Variants in NPAS2 observed in about 807,000 individuals in gnomAD.
NPAS2 encodes the protein neuronal PAS domain protein 2.
A neutral mutation model predicts 107.5 loss-of-function variants in NPAS2; 23 were observed. The observed-to-expected ratio is 0.21, with a 90% CI of 0.15 to 0.30. The LOEUF (loss-of-function observed/expected upper bound fraction) is 0.30, where lower values mean the gene tolerates loss of function less well. Ranked by LOEUF, NPAS2 falls within the 10% of genes least tolerant of loss-of-function variation. The pLI is 1.00. For missense variants in NPAS2, 756 were observed against 1,043.3 expected (o/e 0.72, Z 3.79); for synonymous variants, 403 against 417.5 (o/e 0.97, Z 0.42).
chr2:100,879,493 C>T (rs1248184915), intron 1 of NPAS2, among the ~76,000 whole-genome samples: 2 of 152,204 alleles, frequency 1.3e-5, no homozygotes, highest in African/African-American at 2.4e-5. Flanking sequence ...CTCCTTTTCT[C>T]TCTCCCTTCC....
At chr2:100,923,650 A>G (rs908823055) in intron 2 of NPAS2, among the ~76,000 whole-genome samples, 1 of 152,118 alleles carries the variant, frequency 6.6e-6, no homozygotes, top group African/African-American at 2.4e-5. Flanking sequence ...CCCGGGCCCA[A>G]GGTGCCTGGA....
At chr2:100,949,958 A>T (rs1020635197) in intron 7 of NPAS2, among the ~76,000 whole-genome samples, 1 of 152,218 alleles carries the variant, frequency 6.6e-6, no homozygotes, top group Non-Finnish European at 1.5e-5. Context: ...TTTTACAATG[A>T]GCCAGGAATC....
At chr2:100,842,083 A>G (rs12712082) in intron 1 of NPAS2, among the ~76,000 whole-genome samples, 6,110 of 41,432 alleles carry the variant, frequency 0.15, 216 homozygotes, top group African/African-American at 0.32. Context: ...ATGTACGCGC[A>G]CACACACACA....
intron 1 of NPAS2, among the ~76,000 whole-genome samples, chr2:100,829,453 G>A (rs1215649668): frequency 6.6e-6 from 1 of 152,144 alleles, no homozygotes. Context: ...CAGTTTGGAC[G>A]TTATTGGTGT....
intron 19 of NPAS2, among the ~76,000 whole-genome samples, chr2:100,992,564 C>T (rs1471906042): frequency 1.3e-5 from 2 of 152,204 alleles, no homozygotes; most frequent in South Asian, 2.1e-4. Flanking sequence ...CCCTCGTTCT[C>T]GATCTCCTCC....
chr2:100,879,262 T>C (rs772406155), intron 1 of NPAS2, among the ~76,000 whole-genome samples: 5 of 152,220 alleles, frequency 3.3e-5, no homozygotes, highest in Non-Finnish European at 5.9e-5. Context: ...TTACAACGTA[T>C]TACGGGATAT....
intron 1 of NPAS2, among the ~76,000 whole-genome samples, chr2:100,862,078 A>G (rs1678976309): frequency 6.6e-6 from 1 of 152,250 alleles, no homozygotes; most frequent in Non-Finnish European, 1.5e-5. Context: ...GTAATTAAAA[A>G]TAGATTGTGG....
At chr2:100,853,351 G>A (rs564666562) in intron 1 of NPAS2, among the ~76,000 whole-genome samples, 2 of 152,320 alleles carry the variant, frequency 1.3e-5, no homozygotes, top group East Asian at 3.9e-4. Flanking sequence ...TCAGTAAATT[G>A]TGCTCTACGA....
intron 1 of NPAS2, among the ~76,000 whole-genome samples, chr2:100,833,195 C>T (rs984214172): frequency 2.6e-5 from 4 of 152,178 alleles, no homozygotes; most frequent in African/African-American, 7.2e-5. Flanking sequence ...TGGCCCATAG[C>T]AGAAAGCTTT....
intron 1 of NPAS2, among the ~76,000 whole-genome samples, chr2:100,824,450 T>TAA (rs1388277380): frequency 1.3e-5 from 2 of 152,204 alleles, no homozygotes; most frequent in Non-Finnish European, 2.9e-5. Flanking sequence ...AAGCGCTCTT[T>TAA]AAAAATGTAG....
intron 5 of NPAS2, among the ~76,000 whole-genome samples, chr2:100,945,978 ACAAGG>A (rs1308191510): frequency 6.6e-6 from 1 of 152,158 alleles, no homozygotes; most frequent in East Asian, 1.9e-4. Context: ...GTGGTGGTGA[ACAAGG>A]CACTGGGCCC....
chr2:100,838,550 T>G (rs1436986684), intron 1 of NPAS2, among the ~76,000 whole-genome samples: 2 of 152,174 alleles, frequency 1.3e-5, no homozygotes, highest in East Asian at 3.9e-4. Flanking sequence ...AGTACTGGGA[T>G]TACAGATGTG....
chr2:100,923,089 A>AT (rs1039917847), intron 2 of NPAS2, among the ~76,000 whole-genome samples: 8 of 152,154 alleles, frequency 5.3e-5, no homozygotes, highest in Admixed American at 5.2e-4. Flanking sequence ...CTTCTCTCCC[A>AT]TGTGTTTGAA....
intron 11 of NPAS2, among the ~76,000 whole-genome samples, chr2:100,969,249 T>A (rs1332223720): frequency 2.0e-5 from 3 of 152,020 alleles, no homozygotes; most frequent in Non-Finnish European, 4.4e-5. Flanking sequence ...CATAGGTATA[T>A]ATGTGCCATG....
intron 2 of NPAS2, among the ~76,000 whole-genome samples, chr2:100,911,869 T>C (rs1316919160): frequency 6.6e-6 from 1 of 152,210 alleles, no homozygotes; most frequent in South Asian, 2.1e-4. Context: ...TGGCCTCAAG[T>C]GATCCACCAG....
intron 1 of NPAS2, among the ~76,000 whole-genome samples, chr2:100,849,674 T>C (rs1678022987): frequency 6.6e-6 from 1 of 152,228 alleles, no homozygotes; most frequent in African/African-American, 2.4e-5. Flanking sequence ...TTCTTTACTT[T>C]GCTCTAAAGC....
intron 7 of NPAS2, among the ~76,000 whole-genome samples, chr2:100,957,869 C>A (rs561104291): frequency 5.0e-4 from 76 of 152,206 alleles, no homozygotes; most frequent in African/African-American, 1.8e-3. Flanking sequence ...CGGAGCTTGC[C>A]GTGAGCTGAG....
chr2:100,858,362 A>G (rs1678715675), intron 1 of NPAS2, among the ~76,000 whole-genome samples: 1 of 152,200 alleles, frequency 6.6e-6, no homozygotes, highest in Non-Finnish European at 1.5e-5. Context: ...TCCCTTTGTC[A>G]TCTGCTTTAA....
intron 20 of NPAS2, chr2:100,995,107 T>G: frequency 2.5e-6 from 1 of 403,060 alleles, no homozygotes; most frequent in Non-Finnish European, 4.4e-6. Flanking sequence ...CATGTGCACG[T>G]GTTTACGAAA....
Sources: gnomAD v4.1 joint callset for allele counts (sites outside exome capture counted in the v4.1 genomes callset) on GRCh38, gnomAD v4.1.1 for gene constraint, MANE v1.5 for transcripts, NCBI Gene and HGNC (gene_info 2026-07-23, HGNC 2026-07-21) for gene names.